Variants in B3GNT2 observed in about 807,000 individuals in gnomAD.
B3GNT2 encodes N-acetyllactosaminide beta-1,3-N-acetylglucosaminyltransferase 2.
B3GNT2 carries 12 observed loss-of-function variants against 27.6 expected under a neutral mutation model. The ratio of observed to expected loss-of-function variants is 0.44; its 90% CI spans 0.28 to 0.71. The LOEUF is 0.71. Among genes scored for constraint, B3GNT2 ranks in the 30% least tolerant of loss-of-function variants. The probability of loss-of-function intolerance (pLI) is 0.17; values close to 1 mark genes in which losing one functional copy is unlikely to be tolerated. For missense variants in B3GNT2, 413 were observed against 488.5 expected (o/e 0.85, Z 1.46); for synonymous variants, 192 against 189.7 (o/e 1.01, Z -0.10).
Position 62,223,210 on chromosome 2 carries a change from C to T in B3GNT2, c.990C>T (p.Pro330=). ...TCACTGACCAGGTCCATCTCTACCC[C>T]ATTGATGACGTTTATACTGGAATGT... ...YHITDQVHLY[P]IDDVYTGMCL... Residue 330 remains proline, a synonymous_variant, in exon 2 of 2, where the codon CCC becomes CCT. Coordinates refer to ENST00000301998, the MANE Select transcript of B3GNT2 (RefSeq NM_006577.6). 1 of 1,614,222 alleles carries T rather than the reference C, an allele frequency of 6.2e-7. No individual in the cohort carries two copies. Among genetic ancestry groups the T allele is most frequent in the Admixed American group, 1.7e-5 (1 of 60,026 alleles).
intron 1 of B3GNT2, among the ~76,000 whole-genome samples, chr2:62,210,583 A>G (rs1674463182): frequency 6.6e-6 from 1 of 152,026 alleles, no homozygotes; most frequent in African/African-American, 2.4e-5. Flanking sequence ...ATCCTGGCTA[A>G]TATAGCGAAA....
At position 62,222,779 on chromosome 2, in the gene B3GNT2, C is replaced by T; in HGVS notation, c.559C>T (p.Pro187Ser). The change falls in exon 2 of 2, where the codon CCA becomes TCA. Residue 187 changes from proline to serine, a missense_variant. Transcript: ENST00000301998. This position sits in a 1 kb window ranked among gnomAD's most constrained non-coding sequence, Gnocchi z 4.2. ...AGTCTTCCTGCTGGGCCAGACACCC[C>T]CAGAGGACAACCACCCCGACCTTTC... ...VRVFLLGQTPPEDNHPDLSDM... is the reference protein window; with the variant it reads ...VRVFLLGQTPSEDNHPDLSDM... The T allele has an allele frequency of 6.2e-7, 1 of 1,614,160 alleles. No individual in the cohort carries two copies. Among genetic ancestry groups the T allele is most frequent in the Admixed American group, 1.7e-5 (1 of 60,020 alleles).
chr2:62,217,483 A>G (rs915299968), intron 1 of B3GNT2, among the ~76,000 whole-genome samples: 3 of 152,214 alleles, frequency 2.0e-5, no homozygotes, highest in African/African-American at 7.2e-5. Flanking sequence ...AGGTGTGTTC[A>G]TGTTTCACTA....
At chr2:62,215,201 C>T (rs1674549722) in intron 1 of B3GNT2, among the ~76,000 whole-genome samples, 1 of 152,296 alleles carries the variant, frequency 6.6e-6, no homozygotes, top group African/African-American at 2.4e-5. Context: ...ATACGTTTCC[C>T]TTTTAATTTG....
chr2:62,200,112 G>C (rs141719902), intron 1 of B3GNT2, among the ~76,000 whole-genome samples: 1 of 152,172 alleles, frequency 6.6e-6, no homozygotes, highest in Admixed American at 6.5e-5. Context: ...TGCCCTGTGA[G>C]TATTAACAAC....
intron 1 of B3GNT2, among the ~76,000 whole-genome samples, chr2:62,218,091 C>A (rs530976988): frequency 2.0e-5 from 3 of 152,154 alleles, no homozygotes; most frequent in African/African-American, 4.8e-5. Context: ...ATTCTTCTTA[C>A]GCAATGTAAC....
chr2:62,223,495 T>G lies in B3GNT2; in HGVS notation c.*81T>G, dbSNP rs1304292542. On this transcript the variant is annotated 3_prime_UTR_variant, in exon 2 of 2. Transcript: ENST00000301998. ...TGTGTTCTCACATTAGAGTAATTTC[T>G]ATATTAAACCATGAAAATTGCCTTT... The G allele has an allele frequency of 7.9e-7, 1 of 1,263,106 alleles. No individual in the cohort carries two copies. Among genetic ancestry groups the G allele is most frequent in the Non-Finnish European group, 1.1e-6 (1 of 918,712 alleles). The allele number at this position is 1,263,106 out of a possible 1,614,324, so 78.2% of individuals were successfully genotyped here. A position where few individuals can be genotyped will look rare whatever the true frequency, so the allele number is the denominator to read the frequency against.
chr2:62,218,522 C>T lies in B3GNT2; in HGVS notation c.-9-3690C>T, dbSNP rs942778164. The stretch of plus-strand genomic sequence containing the variant: ...TGCCCCCATTTCTCTTTCTTTGGAG[C>T]CTCTTTAACTATCAATGTACCATGA... On this transcript the variant is annotated intron_variant, in intron 1 of 1. Coordinates refer to ENST00000301998, the MANE Select transcript of B3GNT2 (RefSeq NM_006577.6). 5.3e-5 allele frequency among the ~76,000 whole-genome samples: 8 copies of T among 152,262 alleles called. No individual in the cohort carries two copies. In the East Asian group the frequency reaches 1.5e-3, roughly 29 times the overall value.
rs1191206352 is a variant in B3GNT2 at position 62,223,394 on chromosome 2, A to C, written c.1174A>C (p.Ser392Arg). 1.2e-6 allele frequency: 2 copies of C among 1,607,658 alleles called. No homozygotes were observed. The highest frequency in any genetic ancestry group is 1.7e-5 in the Admixed American group (1 of 58,924). Residue 392 changes from serine to arginine, a missense_variant, in exon 2 of 2, where the codon AGT becomes CGT. By Grantham distance (110) the Ser-to-Arg change is moderately radical. Coordinates refer to ENST00000301998, the MANE Select transcript of B3GNT2 (RefSeq NM_006577.6). ...GATTGATATTTGGTCTCAGTTGCAG[A>C]GTGCTCATTTAAAATGCTAAAATAG... ...EMIDIWSQLQ[S>R]AHLKC
At position 62,222,343 on chromosome 2, in the gene B3GNT2, A is replaced by G. The variant is rs1266682112; in HGVS notation, c.123A>G (p.Val41=). Residue 41 remains valine, a synonymous_variant, in exon 2 of 2, where the codon GTA becomes GTG. Coordinates refer to ENST00000301998, the MANE Select transcript of B3GNT2 (RefSeq NM_006577.6). The surrounding 1 kb of genome is among the most constrained non-coding windows in gnomAD (Gnocchi z 4.2). The part of the protein sequence containing the change: ...SSQEKNGKGE[V]IIPKEKFWKI... ...AAGAAAAAAATGGAAAAGGGGAAGTAATAATACCCAAAGAGAAGTTCTGGA... is the reference window on the plus strand; with the variant it reads ...AAGAAAAAAATGGAAAAGGGGAAGTGATAATACCCAAAGAGAAGTTCTGGA... 23 of 1,614,134 alleles carry G rather than the reference A, an allele frequency of 1.4e-5. No individual in the cohort carries two copies. The highest frequency in any genetic ancestry group is 1.9e-5 in the Non-Finnish European group (23 of 1,180,032).
At chr2:62,220,969 C>T (rs1674679854) in intron 1 of B3GNT2, among the ~76,000 whole-genome samples, 1 of 152,080 alleles carries the variant, frequency 6.6e-6, no homozygotes, top group Non-Finnish European at 1.5e-5. Flanking sequence ...TTTGTATTTC[C>T]CTTTTTGCTA....
chr2:62,197,101 G>A (rs1424433314), intron 1 of B3GNT2, among the ~76,000 whole-genome samples: 2 of 152,000 alleles, frequency 1.3e-5, no homozygotes, highest in Non-Finnish European at 2.9e-5. Context: ...TGGGGGTGGG[G>A]TGGGGCGGGG....
Position 62,222,976 on chromosome 2 carries a change from C to A in B3GNT2, c.756C>A (p.Thr252=). 6.2e-7 allele frequency: 1 copy of A among 1,614,144 alleles called. No individual in the cohort carries two copies. The highest frequency in any genetic ancestry group is 8.5e-7 in the Non-Finnish European group (1 of 1,180,020). ...GCGATGACGATGTTTTTGTGAACAC[C>A]CATCACATCCTGAATTACTTGAATA... ...FKGDDDVFVN[T]HHILNYLNSL... is the part of the protein sequence containing the mutation. Residue 252 remains threonine (T), a synonymous_variant, in exon 2 of 2, where the codon ACC becomes ACA. Coordinates refer to ENST00000301998, the MANE Select transcript of B3GNT2 (RefSeq NM_006577.6). The surrounding 1 kb of genome is among the most constrained non-coding windows in gnomAD (Gnocchi z 4.2).
intron 1 of B3GNT2, among the ~76,000 whole-genome samples, chr2:62,211,468 G>T (rs984046217): frequency 1.3e-5 from 2 of 151,942 alleles, no homozygotes. Flanking sequence ...AACTGAATCT[G>T]CTTTAGAGAA....
chr2:62,209,091 A>G (rs1674432913), intron 1 of B3GNT2, among the ~76,000 whole-genome samples: 2 of 152,074 alleles, frequency 1.3e-5, no homozygotes, highest in African/African-American at 4.8e-5. Flanking sequence ...CCCGGGTTCA[A>G]GCGCCTCAGC....
At chr2:62,204,515 G>T (rs1674330987) in intron 1 of B3GNT2, among the ~76,000 whole-genome samples, 1 of 152,210 alleles carries the variant, frequency 6.6e-6, no homozygotes, top group African/African-American at 2.4e-5. Context: ...TAATGAAAGG[G>T]TCGAAGTGTT....
chr2:62,210,036 T>C (rs957575893), intron 1 of B3GNT2, among the ~76,000 whole-genome samples: 1 of 152,208 alleles, frequency 6.6e-6, no homozygotes, highest in African/African-American at 2.4e-5. Flanking sequence ...CATTTTGTTG[T>C]CTACATTATT....
Position 62,223,417 on chromosome 2 carries a change from T to C in B3GNT2, c.*3T>C. 1 of 1,592,200 alleles carries C rather than the reference T, an allele frequency of 6.3e-7. No homozygotes were observed. The highest frequency in any genetic ancestry group is 8.6e-7 in the Non-Finnish European group (1 of 1,166,640). Reference sequence around the variant, plus strand: ...AGAGTGCTCATTTAAAATGCTAAAATAGATACAAACTCAATTTTGCATAGA... The same window carrying C: ...AGAGTGCTCATTTAAAATGCTAAAACAGATACAAACTCAATTTTGCATAGA... On this transcript the variant is annotated 3_prime_UTR_variant, in exon 2 of 2. Transcript: ENST00000301998.
intron 1 of B3GNT2, among the ~76,000 whole-genome samples, chr2:62,218,798 G>A (rs533768650): frequency 1.3e-5 from 2 of 152,376 alleles, no homozygotes; most frequent in South Asian, 4.1e-4. Flanking sequence ...ATGCCCTGCG[G>A]GCTGGAGGCC....
Sources: gnomAD v4.1 joint callset for allele counts (sites outside exome capture counted in the v4.1 genomes callset) on GRCh38, gnomAD v4.1.1 for gene constraint, Gnocchi (gnomAD v3.1) non-coding constraint, MANE v1.5 for transcripts, NCBI Gene and HGNC (gene_info 2026-07-23, HGNC 2026-07-21) for gene names.